PTPN12: variants seen among roughly 807,000 people sequenced by gnomAD.
PTPN12 encodes the protein protein tyrosine phosphatase non-receptor type 12.
In PTPN12, 29 loss-of-function variants were observed where a neutral mutation model predicts 97.6. The observed-to-expected ratio is 0.30, with a 90% CI of 0.22 to 0.41. The LOEUF (loss-of-function observed/expected upper bound fraction) is 0.41. Ranked by LOEUF, PTPN12 falls within the 10% of genes least tolerant of loss-of-function variation. PTPN12 has a pLI of 1.00. For missense variants in PTPN12, 819 were observed against 926.0 expected (o/e 0.88, Z 1.50); for synonymous variants, 327 against 300.4 (o/e 1.09, Z -0.91).
chr7:77,625,472 G>GCTCTCTCTCTCTCTCTCTCTCTCTTTCT (rs1789113162), intron 12 of PTPN12, among the ~76,000 whole-genome samples: 3 of 33,522 alleles, frequency 8.9e-5, no homozygotes, highest in Non-Finnish European at 1.5e-4. Flanking sequence ...CAGGCTGCTC[G>GCTCTCTCTCTCTCTCTCTCTCTCTTTCT]CTCTCTCTCT....
At chr7:77,594,388 A>G (rs1167440735) in intron 6 of PTPN12, among the ~76,000 whole-genome samples, 3 of 152,238 alleles carry the variant, frequency 2.0e-5, no homozygotes, top group Non-Finnish European at 2.9e-5. Flanking sequence ...TCAGTGGGGA[A>G]ATACCAACCC....
intron 4 of PTPN12, among the ~76,000 whole-genome samples, chr7:77,584,013 C>G (rs1245053918): frequency 6.6e-6 from 1 of 152,152 alleles, no homozygotes; most frequent in Non-Finnish European, 1.5e-5. Flanking sequence ...TATATATAAA[C>G]ACATAACTAT....
At chr7:77,538,481 C>T (rs1439374851) in intron 1 of PTPN12, among the ~76,000 whole-genome samples, 3 of 151,886 alleles carry the variant, frequency 2.0e-5, no homozygotes, top group Admixed American at 1.3e-4. Flanking sequence ...CCTGGTGGGG[C>T]GGAGGCGACG....
At chr7:77,537,732 T>C in intron 1 of PTPN12, 87 bp downstream of exon 1, 2 of 1,399,850 alleles carry the variant, frequency 1.4e-6, no homozygotes, top group Non-Finnish European at 1.9e-6. Context: ...GTGCTTTGTG[T>C]ACCTCTGTGA....
At chr7:77,616,183 A>AT (rs1282030549) in intron 11 of PTPN12, among the ~76,000 whole-genome samples, 1 of 152,012 alleles carries the variant, frequency 6.6e-6, no homozygotes, top group Non-Finnish European at 1.5e-5. Context: ...ATCCTCATTC[A>AT]TTTTTTGTCA....
rs575382455 is a variant in PTPN12 at position 77,618,460 on chromosome 7, A to G, written c.940-20A>G. 9 of 1,477,496 alleles carry G rather than the reference A, an allele frequency of 6.1e-6. No homozygotes were observed. The highest frequency in any genetic ancestry group is 5.6e-5 in the African/African-American group (4 of 70,842). The allele number at this position is 1,477,496 out of a possible 1,614,324, so 91.5% of individuals were successfully genotyped here. ...ATTATTTTTCTCTTAACCTTAGTGA[A>G]GTATTTTTTCCCTTGGCAGAATGAA... On this transcript the variant is annotated intron_variant, in intron 11 of 17. Coordinates refer to ENST00000248594, the MANE Select transcript of PTPN12 (RefSeq NM_002835.4).
intron 1 of PTPN12, among the ~76,000 whole-genome samples, chr7:77,560,626 C>T (rs1228502524): frequency 6.6e-6 from 1 of 152,150 alleles, no homozygotes; most frequent in Non-Finnish European, 1.5e-5. Flanking sequence ...ATTCTAGGTG[C>T]CTCATATAAT....
chr7:77,606,541 C>T (rs1788378589), intron 8 of PTPN12, among the ~76,000 whole-genome samples: 1 of 146,794 alleles, frequency 6.8e-6, no homozygotes, highest in Non-Finnish European at 1.5e-5. Flanking sequence ...GGACAACAGG[C>T]ATGAGCCACT....
At chr7:77,574,826 T>C (rs904714835) in intron 2 of PTPN12, among the ~76,000 whole-genome samples, 2 of 152,130 alleles carry the variant, frequency 1.3e-5, no homozygotes, top group Admixed American at 6.6e-5. Flanking sequence ...TTATTTTGAC[T>C]TGGGATTTTT....
At chr7:77,566,553 C>T (rs1808266712) in intron 1 of PTPN12, among the ~76,000 whole-genome samples, 1 of 152,126 alleles carries the variant, frequency 6.6e-6, no homozygotes, top group African/African-American at 2.4e-5. Context: ...GAAACCCCAT[C>T]TCTACAAAAA....
At chr7:77,541,587 C>G (rs947890099) in intron 1 of PTPN12, among the ~76,000 whole-genome samples, 2 of 152,126 alleles carry the variant, frequency 1.3e-5, no homozygotes, top group Non-Finnish European at 1.5e-5. Flanking sequence ...TGTTCATAAA[C>G]TTGAAAAAGT....
chr7:77,587,163 T>G (rs148158472), intron 5 of PTPN12, among the ~76,000 whole-genome samples: 36 of 152,214 alleles, frequency 2.4e-4, no homozygotes, highest in African/African-American at 8.2e-4. Flanking sequence ...TTCAGTTCAC[T>G]TTCCCTAGAC....
intron 2 of PTPN12, among the ~76,000 whole-genome samples, chr7:77,573,846 T>A (rs1787245731): frequency 6.6e-6 from 1 of 152,194 alleles, no homozygotes. Context: ...CTATAACCTC[T>A]GCCTACCAGC....
At chr7:77,539,161 T>C (rs981598387) in intron 1 of PTPN12, among the ~76,000 whole-genome samples, 1 of 152,194 alleles carries the variant, frequency 6.6e-6, no homozygotes, top group African/African-American at 2.4e-5. Context: ...AGTAAAGCTT[T>C]AGCGTTAAAT....
At chr7:77,573,891 G>A (rs947051950) in intron 2 of PTPN12, among the ~76,000 whole-genome samples, 9 of 152,182 alleles carry the variant, frequency 5.9e-5, no homozygotes, top group Non-Finnish European at 1.0e-4. Context: ...CTCCCAAGTA[G>A]CTGGGATTAC....
Position 77,638,709 on chromosome 7 carries a change from T to C in PTPN12, c.2259T>C (p.Asn753=), listed in dbSNP as rs1298534302. 2 of 1,605,344 alleles carry C rather than the reference T, an allele frequency of 1.2e-6. No individual in the cohort carries two copies. The highest frequency in any genetic ancestry group is 2.7e-5 in the African/African-American group (2 of 74,452). Reference sequence around the variant, plus strand: ...ACAAGAGAGAACAAATATCAGAAAATCCAACAGAAGCCACAGATATTGGTA... The same window carrying C: ...ACAAGAGAGAACAAATATCAGAAAACCCAACAGAAGCCACAGATATTGGTA... The part of the protein sequence containing the change: ...FSDKREQISE[N]PTEATDIGFG... The change falls in exon 17 of 18, where the codon AAT becomes AAC. Residue 753 remains asparagine, a synonymous_variant. Transcript: ENST00000248594.
chr7:77,540,078 G>A (rs998483363), intron 1 of PTPN12, among the ~76,000 whole-genome samples: 7 of 152,042 alleles, frequency 4.6e-5, no homozygotes, highest in Non-Finnish European at 1.5e-5. Flanking sequence ...GTTATCCCTA[G>A]GCATATACCG....
chr7:77,618,819 A>G (rs1250596421), intron 12 of PTPN12, among the ~76,000 whole-genome samples: 1 of 152,206 alleles, frequency 6.6e-6, no homozygotes, highest in Non-Finnish European at 1.5e-5. Flanking sequence ...TTATGTTTTG[A>G]TATGTGATAT....
At chr7:77,564,747 T>TTTTTG (rs1808170357) in intron 1 of PTPN12, among the ~76,000 whole-genome samples, 1 of 42,136 alleles carries the variant, frequency 2.4e-5, no homozygotes, top group Non-Finnish European at 4.3e-5. Context: ...TGTTGTCGTG[T>TTTTTG]TTTTTTTTTT....
Sources: gnomAD v4.1 joint callset for allele counts (sites outside exome capture counted in the v4.1 genomes callset) on GRCh38, gnomAD v4.1.1 for gene constraint, MANE v1.5 for transcripts, NCBI Gene and HGNC (gene_info 2026-07-23, HGNC 2026-07-21) for gene names.